The following SLC71A2 variants were observed in gnomAD, a reference collection of about 807,000 sequenced individuals.
SLC71A2 encodes hippocampus abundant transcript-like 1.
chr9:94,415,707 A>C, the SLC71A2 span, among the ~76,000 whole-genome samples: 82,937 of 151,544 alleles, frequency 0.55, 23,326 homozygotes, highest in African/African-American at 0.66. Context: ...TTAGACCCCT[A>C]ACATGCACAG....
At chr9:94,404,563 T>C in the SLC71A2 span, among the ~76,000 whole-genome samples, 1 of 152,206 alleles carries the variant, frequency 6.6e-6, no homozygotes, top group Admixed American at 6.5e-5. Flanking sequence ...CCCAAAGTGC[T>C]GGGATTACAT....
the SLC71A2 span, chr9:94,429,088 C>A: frequency 6.7e-7 from 1 of 1,482,048 alleles, no homozygotes; most frequent in Non-Finnish European, 9.0e-7. Flanking sequence ...TATAATTTTT[C>A]ATTGCAGGGC....
At chr9:94,412,458 C>T in the SLC71A2 span, among the ~76,000 whole-genome samples, 1 of 152,156 alleles carries the variant, frequency 6.6e-6, no homozygotes, top group African/African-American at 2.4e-5. Flanking sequence ...TTAATAGTCC[C>T]ACCATTTTCA....
chr9:94,440,962 T>C, the SLC71A2 span: 1 of 1,463,922 alleles, frequency 6.8e-7, no homozygotes, highest in Non-Finnish European at 9.5e-7. Flanking sequence ...TTCCCTTGGG[T>C]CATTAAAATA....
chr9:94,438,970 T>C, the SLC71A2 span, among the ~76,000 whole-genome samples: 1 of 151,574 alleles, frequency 6.6e-6, no homozygotes, highest in South Asian at 2.1e-4. Context: ...CTTTAAAATA[T>C]ACCATAATAA....
the SLC71A2 span, among the ~76,000 whole-genome samples, chr9:94,404,380 C>G: frequency 4.6e-5 from 7 of 152,154 alleles, no homozygotes; most frequent in African/African-American, 1.7e-4. Flanking sequence ...ACTGCAAACT[C>G]CGCCTCCCGG....
the SLC71A2 span, chr9:94,456,194 C>G: frequency 2.8e-6 from 4 of 1,405,056 alleles, no homozygotes; most frequent in Non-Finnish European, 4.0e-6. Flanking sequence ...TAGTGAGCTC[C>G]TTGAGGTTGA....
chr9:94,396,093 A>G, the SLC71A2 span, among the ~76,000 whole-genome samples: 1 of 151,898 alleles, frequency 6.6e-6, no homozygotes, highest in South Asian at 2.1e-4. Flanking sequence ...ATGGCAGTGA[A>G]GTACCTGCCT....
the SLC71A2 span, among the ~76,000 whole-genome samples, chr9:94,446,330 A>T: frequency 6.6e-6 from 1 of 152,226 alleles, no homozygotes; most frequent in South Asian, 2.1e-4. Flanking sequence ...AGTTCTTACC[A>T]GTTTGACCTT....
chr9:94,423,869 A>C, the SLC71A2 span, among the ~76,000 whole-genome samples: 1 of 152,074 alleles, frequency 6.6e-6, no homozygotes, highest in African/African-American at 2.4e-5. Context: ...ATTTTAATTG[A>C]ATTTAAGTTT....
chr9:94,453,869 TCATCA>T, the SLC71A2 span: 1 of 858,378 alleles, frequency 1.2e-6, no homozygotes, highest in East Asian at 2.4e-5. Flanking sequence ...AGGTCTCTGG[TCATCA>T]GGGAAGGGTC....
chr9:94,397,818 G>A, the SLC71A2 span, among the ~76,000 whole-genome samples: 2 of 152,146 alleles, frequency 1.3e-5, no homozygotes, highest in African/African-American at 4.8e-5. Context: ...TAGAGATGAA[G>A]TACCATTTTC....
chr9:94,458,238 T>C, the SLC71A2 span: 5 of 1,232,640 alleles, frequency 4.1e-6, no homozygotes, highest in Admixed American at 2.6e-5. Flanking sequence ...TAGTGTATCA[T>C]GGTTATGAGA....
the SLC71A2 span, chr9:94,441,048 C>T: frequency 3.1e-6 from 5 of 1,610,976 alleles, no homozygotes; most frequent in African/African-American, 2.7e-5. Context: ...TTATATTTGC[C>T]TATGTAGCTG....
chr9:94,417,358 A>G, the SLC71A2 span, among the ~76,000 whole-genome samples: 2 of 152,030 alleles, frequency 1.3e-5, no homozygotes, highest in Non-Finnish European at 2.9e-5. Context: ...CCGGGCGCGG[A>G]GGCTCACGCC....
the SLC71A2 span, chr9:94,429,263 T>A: frequency 9.4e-5 from 149 of 1,589,390 alleles, no homozygotes; most frequent in South Asian, 1.4e-3. Context: ...TAAGAAAAAA[T>A]TTTTATGTGG....
the SLC71A2 span, among the ~76,000 whole-genome samples, chr9:94,448,783 C>T: frequency 6.6e-6 from 1 of 152,266 alleles, no homozygotes; most frequent in East Asian, 1.9e-4. Flanking sequence ...TCGGTATGCA[C>T]CACCACACCC....
chr9:94,427,010 A>AT, the SLC71A2 span, among the ~76,000 whole-genome samples: 1 of 151,940 alleles, frequency 6.6e-6, no homozygotes, highest in African/African-American at 2.4e-5. Context: ...TAAGCTTGAG[A>AT]TTTTTTTTCA....
chr9:94,459,085 T>G, the SLC71A2 span: 2,134 of 1,459,882 alleles, frequency 1.5e-3, 30 homozygotes, highest in African/African-American at 0.027. Context: ...GTGTTTTTTT[T>G]GGGTAATCTA....
Sources: allele counts gnomAD v4.1 joint callset (sites outside exome capture counted in the v4.1 genomes callset), GRCh38; gene constraint gnomAD v4.1.1; transcripts MANE v1.5; gene names NCBI Gene and HGNC (gene_info 2026-07-23, HGNC 2026-07-21).